DCUN1D1: variants seen among roughly 807,000 people sequenced by gnomAD.
The protein encoded by DCUN1D1 is DCN1-like protein 1.
In DCUN1D1, 3 loss-of-function variants were observed where a neutral mutation model predicts 39.0. The observed-to-expected ratio is 0.08, with a 90% CI of 0.04 to 0.20. The LOEUF (loss-of-function observed/expected upper bound fraction) is 0.20. Among genes scored for constraint, DCUN1D1 ranks in the 10% least tolerant of loss-of-function variants. DCUN1D1 has a pLI of 1.00. For synonymous variants in DCUN1D1, 82 were observed against 96.3 expected (o/e 0.85, Z 0.87); for missense variants, 158 against 302.4 (o/e 0.52, Z 3.54).
chr3:182,978,666 T>C (rs7632579), intron 1 of DCUN1D1, among the ~76,000 whole-genome samples: 2,724 of 152,294 alleles, frequency 0.018, 75 homozygotes, highest in African/African-American at 0.062. Flanking sequence ...TGAGCCACCG[T>C]GCCCAGCCCC....
At chr3:182,961,132 T>C (rs1341590115) in intron 4 of DCUN1D1, 94 bp downstream of exon 4, 1 of 926,970 alleles carries the variant, frequency 1.1e-6, no homozygotes, top group Non-Finnish European at 1.6e-6. Context: ...CATGACTTTA[T>C]GCTCAAAACA....
At position 182,938,273 on chromosome 3, in the gene DCUN1D1, AAG is replaced by A. The variant is rs1725981724; in HGVS notation, c.*6819_*6820del. 6.6e-6 allele frequency: 1 copy of A among 152,080 alleles called. No individual in the cohort carries two copies. Among genetic ancestry groups the A allele is most frequent in the African/African-American group, 2.4e-5 (1 of 41,428 alleles). 9.4% of individuals were successfully genotyped at this position (152,080 alleles called of 1,614,324 possible). On this transcript the variant is annotated 3_prime_UTR_variant, in exon 7 of 7. Coordinates refer to ENST00000292782, the MANE Select transcript of DCUN1D1 (RefSeq NM_020640.4). ...TTTCAAAAAAATGAATTTGAAGCCA[AAG>A]AGTGGAGAGTGTGGGGATCCACTGG...
At chr3:182,961,156 T>A (rs1013827767) in intron 4 of DCUN1D1, 70 bp downstream of exon 4, 1 of 1,106,552 alleles carries the variant, frequency 9.0e-7, no homozygotes, top group Non-Finnish European at 1.3e-6. Flanking sequence ...AACTTTCTAT[T>A]ACAAAAACGA....
intron 1 of DCUN1D1, among the ~76,000 whole-genome samples, chr3:182,970,171 T>A (rs780795683): frequency 6.6e-6 from 1 of 151,960 alleles, no homozygotes; most frequent in Non-Finnish European, 1.5e-5. Flanking sequence ...GGTGGGAAGA[T>A]GAGGATCACT....
upstream of DCUN1D1, chr3:182,981,058 A>T (rs1436596199): frequency 1.3e-5 from 2 of 152,122 alleles, no homozygotes; most frequent in Non-Finnish European, 2.9e-5. Flanking sequence ...TTTCCCCCCA[A>T]TCTCAGTATC....
chr3:182,949,215 T>A (rs1377471902), intron 4 of DCUN1D1, among the ~76,000 whole-genome samples: 9 of 151,132 alleles, frequency 6.0e-5, no homozygotes, highest in Non-Finnish European at 1.3e-4. Flanking sequence ...ACAAAAAAAT[T>A]AGCTGGGCGT....
In DCUN1D1 at chr3:182,938,181, T is replaced by C. The variant is rs1265424763; in HGVS notation, c.*6913A>G. 1.3e-5 allele frequency: 2 copies of C among 152,192 alleles called. No homozygotes were observed. Among genetic ancestry groups the C allele is most frequent in the African/African-American group, 4.8e-5 (2 of 41,454 alleles). 9.4% of individuals were successfully genotyped at this position (152,192 alleles called of 1,614,324 possible). A position where few individuals can be genotyped will look rare whatever the true frequency, so the allele number is the denominator to read the frequency against. ...TATTCGTTAGAATTTTTTTATTAAG[T>C]ACATCAAAATTTCACCTTACATTTG... On this transcript the variant is annotated 3_prime_UTR_variant, in exon 7 of 7. Transcript: ENST00000292782.
intron 1 of DCUN1D1, among the ~76,000 whole-genome samples, chr3:182,977,642 G>A (rs1393612682): frequency 2.0e-5 from 3 of 151,898 alleles, no homozygotes; most frequent in African/African-American, 7.3e-5. Flanking sequence ...CACCGTATTG[G>A]CCAGGCTGGT....
In DCUN1D1 at chr3:182,942,360, A is replaced by G. The variant is rs144691328; in HGVS notation, c.*2734T>C. 2.3e-4 allele frequency: 35 copies of G among 152,270 alleles called. No individual in the cohort carries two copies. Among genetic ancestry groups the G allele is most frequent in the African/African-American group, 8.4e-4 (35 of 41,572 alleles). The allele number at this position is 152,270 out of a possible 1,614,324, so 9.4% of individuals were successfully genotyped here. On this transcript the variant is annotated 3_prime_UTR_variant, in exon 7 of 7. Transcript: ENST00000292782. ...AAAATACACTGAAATATGTGAAAAG[A>G]TTTAGTCATGGCAATTTCACTGCAG...
At chr3:182,949,418 T>C (rs1418056442) in intron 4 of DCUN1D1, among the ~76,000 whole-genome samples, 1 of 151,304 alleles carries the variant, frequency 6.6e-6, no homozygotes, top group Non-Finnish European at 1.5e-5. Context: ...AAACAGATGA[T>C]TTGTAAGAAA....
chr3:182,967,389 C>T (rs1000985134), intron 1 of DCUN1D1, among the ~76,000 whole-genome samples: 1 of 152,066 alleles, frequency 6.6e-6, no homozygotes, highest in African/African-American at 2.4e-5. Context: ...GCTTGCTGTA[C>T]ATATTTACAT....
intron 2 of DCUN1D1, among the ~76,000 whole-genome samples, chr3:182,964,349 T>C (rs141139494): frequency 2.6e-5 from 4 of 152,328 alleles, no homozygotes; most frequent in East Asian, 1.9e-4. Flanking sequence ...TATAGGGACA[T>C]GGGATTCTAA....
chr3:182,977,253 A>G lies in DCUN1D1; in HGVS notation c.3+3234T>C, dbSNP rs577532466. 1.2e-4 allele frequency among the ~76,000 whole-genome samples: 18 copies of G among 152,284 alleles called. No individual in the cohort carries two copies. The East Asian group carries it at 3.1e-3, about 26-fold the overall frequency. On this transcript the variant is annotated intron_variant, in intron 1 of 6. Coordinates refer to ENST00000292782, the MANE Select transcript of DCUN1D1 (RefSeq NM_020640.4). ...AACCTCAAAACCTCCTTGATATTCAATTTCTTCTTGTGTAAAAATGGGGAG... is the reference window on the plus strand; with the variant it reads ...AACCTCAAAACCTCCTTGATATTCAGTTTCTTCTTGTGTAAAAATGGGGAG...
chr3:182,953,331 T>C (rs1191109236), intron 4 of DCUN1D1, among the ~76,000 whole-genome samples: 3 of 152,142 alleles, frequency 2.0e-5, no homozygotes, highest in East Asian at 3.8e-4. Context: ...TAAACAAGGA[T>C]AAAATGTTAA....
intron 4 of DCUN1D1, among the ~76,000 whole-genome samples, chr3:182,958,828 C>T (rs974491730): frequency 1.3e-5 from 2 of 152,034 alleles, no homozygotes; most frequent in Non-Finnish European, 2.9e-5. Flanking sequence ...TTTAATTTTG[C>T]TCAATTCTTA....
chr3:182,979,138 T>C (rs1577206393), intron 1 of DCUN1D1, among the ~76,000 whole-genome samples: 1 of 152,380 alleles, frequency 6.6e-6, no homozygotes, highest in East Asian at 1.9e-4. Context: ...CTCTGAACAC[T>C]GTAATACTAA....
chr3:182,956,898 T>C (rs1045691315), intron 4 of DCUN1D1, among the ~76,000 whole-genome samples: 2 of 152,230 alleles, frequency 1.3e-5, no homozygotes, highest in Admixed American at 6.5e-5. Flanking sequence ...TTTTGAAATA[T>C]GATGTTCAAC....
At chr3:182,961,053 C>T (rs1727355486) in intron 4 of DCUN1D1, among the ~76,000 whole-genome samples, 173 bp downstream of exon 4, 1 of 152,138 alleles carries the variant, frequency 6.6e-6, no homozygotes, top group African/African-American at 2.4e-5. Flanking sequence ...GGTAAACTTA[C>T]TCAATGTGCA....
intron 1 of DCUN1D1, among the ~76,000 whole-genome samples, chr3:182,967,139 T>C (rs1445856405): frequency 4.2e-5 from 1 of 23,894 alleles, no homozygotes; most frequent in African/African-American, 7.9e-5. Flanking sequence ...TATATATATA[T>C]ATATATATAT....
Sources: gnomAD v4.1 joint callset for allele counts (sites outside exome capture counted in the v4.1 genomes callset) on GRCh38, gnomAD v4.1.1 for gene constraint, MANE v1.5 for transcripts, NCBI Gene and HGNC (gene_info 2026-07-23, HGNC 2026-07-21) for gene names.